The following GPHN variants were observed in gnomAD, a reference collection of about 807,000 sequenced individuals.
The protein encoded by GPHN is gephyrin.
In GPHN, 17 loss-of-function variants were observed where a neutral mutation model predicts 95.5. The observed-to-expected ratio is 0.18, with a 90% CI of 0.12 to 0.27. GPHN has a LOEUF of 0.27. Among genes scored for constraint, GPHN ranks in the 10% least tolerant of loss-of-function variants. The probability of loss-of-function intolerance (pLI) is 1.00; values close to 1 mark genes in which losing one functional copy is unlikely to be tolerated. For missense variants in GPHN, 660 were observed against 978.1 expected (o/e 0.67, Z 4.34); for synonymous variants, 320 against 322.5 (o/e 0.99, Z 0.08).
At chr14:67,013,796 A>G (rs1314880392) in intron 9 of GPHN, among the ~76,000 whole-genome samples, 1 of 152,024 alleles carries the variant, frequency 6.6e-6, no homozygotes, top group Non-Finnish European at 1.5e-5. Context: ...TAATGATCAA[A>G]TAGGTGATAA....
intron 18 of GPHN, among the ~76,000 whole-genome samples, chr14:67,156,317 A>T (rs1295655881): frequency 6.6e-6 from 1 of 152,154 alleles, no homozygotes; most frequent in Non-Finnish European, 1.5e-5. Context: ...AAATATAAAC[A>T]TATACATGCA....
At chr14:67,415,566 T>A in the GPHN span, among the ~76,000 whole-genome samples, 16 of 152,386 alleles carry the variant, frequency 1.0e-4, no homozygotes, top group African/African-American at 3.6e-4. Flanking sequence ...ATGTATCACA[T>A]GCTATCCTCA....
At chr14:66,920,708 T>G (rs1287746395) in intron 6 of GPHN, among the ~76,000 whole-genome samples, 1 of 151,212 alleles carries the variant, frequency 6.6e-6, no homozygotes, top group Non-Finnish European at 1.5e-5. Flanking sequence ...AGGTATACAC[T>G]GCACCATATT....
At chr14:67,653,327 T>G in the GPHN span, 8 of 826,848 alleles carry the variant, frequency 9.7e-6, no homozygotes, top group Non-Finnish European at 1.6e-5. Flanking sequence ...ACAGGGACTA[T>G]GCGTCAACTG....
At chr14:67,045,743 A>G (rs1051520106) in intron 10 of GPHN, among the ~76,000 whole-genome samples, 9 of 108,482 alleles carry the variant, frequency 8.3e-5, no homozygotes, top group Non-Finnish European at 1.8e-4. Context: ...CTCTCTGTCC[A>G]TCTCTCTGTC....
the GPHN span, chr14:67,208,438 T>G: frequency 6.2e-7 from 1 of 1,613,162 alleles, no homozygotes; most frequent in African/African-American, 1.3e-5. Flanking sequence ...CTCTCAAGGC[T>G]GAAGAATCCA....
intron 1 of GPHN, among the ~76,000 whole-genome samples, chr14:66,522,822 T>G (rs573999707): frequency 6.6e-6 from 1 of 152,084 alleles, no homozygotes; most frequent in Admixed American, 6.6e-5. Flanking sequence ...GTTAAAATGT[T>G]GACTGAATAT....
the GPHN span, chr14:67,336,855 C>T: frequency 2.2e-3 from 943 of 436,394 alleles, 8 homozygotes; most frequent in African/African-American, 0.017. Context: ...ATTCTGTGAG[C>T]AGCAACCAGA....
At chr14:67,567,139 C>CGT in the GPHN span, among the ~76,000 whole-genome samples, 5 of 112,890 alleles carry the variant, frequency 4.4e-5, no homozygotes, top group Non-Finnish European at 1.0e-4. Context: ...CATGATCACT[C>CGT]GTGTTCCGTG....
At chr14:67,656,725 G>C in the GPHN span, 1 of 969,292 alleles carries the variant, frequency 1.0e-6, no homozygotes, top group Non-Finnish European at 1.4e-6. Context: ...CAGAACCAAA[G>C]AAGCTAATGA....
intron 13 of GPHN, among the ~76,000 whole-genome samples, chr14:67,103,173 G>C (rs1293203241): frequency 6.6e-6 from 1 of 152,064 alleles, no homozygotes; most frequent in Non-Finnish European, 1.5e-5. Context: ...ACTCTGTGTG[G>C]GGGCTCCAAC....
At position 66,545,839 on chromosome 14, in the gene GPHN, C is replaced by T. The variant is rs185301078; in HGVS notation, c.64+37248C>T. ...GCGGAGGCTCCCCTCTCCTCCCGGA[C>T]GGGGTGGCTGGCCAGGCGGGGGGCT... On this transcript the variant is annotated intron_variant, in intron 1 of 22. Transcript: ENST00000478722. Among the ~76,000 whole-genome samples the T allele has an allele frequency of 5.8e-3, 854 of 148,402 alleles. 10 individuals are homozygous for T. Among genetic ancestry groups the T allele is most frequent in the African/African-American group, 0.017 (688 of 39,968 alleles).
the GPHN span, among the ~76,000 whole-genome samples, chr14:67,603,879 C>T: frequency 1.3e-5 from 2 of 151,886 alleles, no homozygotes; most frequent in African/African-American, 4.8e-5. Flanking sequence ...TGGGGTTTCT[C>T]CATGTTGGTC....
chr14:67,045,619 GTCTC>G (rs1250795471), intron 10 of GPHN, among the ~76,000 whole-genome samples: 1 of 145,964 alleles, frequency 6.9e-6, no homozygotes, highest in Non-Finnish European at 1.5e-5. Flanking sequence ...CTGTGTCTCT[GTCTC>G]TCTCCATCTG....
At chr14:67,412,975 G>A in the GPHN span, among the ~76,000 whole-genome samples, 2 of 152,106 alleles carry the variant, frequency 1.3e-5, no homozygotes, top group African/African-American at 4.8e-5. Flanking sequence ...TGTTGCCCAG[G>A]CTGGTCTTGA....
At chr14:66,589,957 G>T (rs2061573072) in intron 1 of GPHN, among the ~76,000 whole-genome samples, 1 of 152,036 alleles carries the variant, frequency 6.6e-6, no homozygotes. Flanking sequence ...AAATGCAAAA[G>T]AATGGAAATC....
chr14:67,099,203 A>G (rs1477471395), intron 12 of GPHN, among the ~76,000 whole-genome samples: 3 of 151,640 alleles, frequency 2.0e-5, no homozygotes, highest in South Asian at 2.1e-4. Flanking sequence ...CCCGCCTCGC[A>G]GGTTCAAGCA....
At chr14:66,548,384 T>C (rs1274751357) in intron 1 of GPHN, among the ~76,000 whole-genome samples, 17 of 152,102 alleles carry the variant, frequency 1.1e-4, no homozygotes. Flanking sequence ...TTTCACCATG[T>C]TGGCCAGGCT....
chr14:67,711,501 T>C, the GPHN span, among the ~76,000 whole-genome samples: 1 of 152,252 alleles, frequency 6.6e-6, no homozygotes, highest in South Asian at 2.1e-4. Flanking sequence ...TGATAAAGTA[T>C]TTGATGATTT....
Sources: gnomAD v4.1 joint callset for allele counts (sites outside exome capture counted in the v4.1 genomes callset) on GRCh38, gnomAD v4.1.1 for gene constraint, MANE v1.5 for transcripts, NCBI Gene and HGNC (gene_info 2026-07-23, HGNC 2026-07-21) for gene names.